Variants in TRPC5 observed in about 807,000 individuals in gnomAD.
TRPC5 encodes the protein transient receptor potential cation channel subfamily C member 5, also known as short transient receptor potential channel 5.
TRPC5 carries 9 observed loss-of-function variants against 56.5 expected under a neutral mutation model. The ratio of observed to expected loss-of-function variants is 0.16; its 90% confidence interval spans 0.10 to 0.28. The LOEUF (loss-of-function observed/expected upper bound fraction) is 0.28. TRPC5 is among the 10% of genes least tolerant of loss of function. TRPC5 has a pLI of 1.00. For synonymous variants in TRPC5, 282 were observed against 278.5 expected, an observed-to-expected ratio of 1.01 and a Z score of -0.13; for missense variants, 469 against 748.9, an observed-to-expected ratio of 0.63 and a Z score of 4.36.
intron 1 of TRPC5, among the ~76,000 whole-genome samples, chrX:112,047,527 G>A (rs1315966809): frequency 4.5e-5 from 5 of 111,900 alleles, no homozygotes; most frequent in Non-Finnish European, 9.4e-5. Flanking sequence ...ATATGACCTC[G>A]TCACAGCAGT....
chrX:111,919,821 A>C (rs1370219821), intron 2 of TRPC5, among the ~76,000 whole-genome samples: 1 of 112,185 alleles, frequency 8.9e-6, no homozygotes, highest in Non-Finnish European at 1.9e-5. Flanking sequence ...TCACCCAAAA[A>C]AATCTCATAA....
chrX:112,006,494 G>C (rs112152075), intron 1 of TRPC5, among the ~76,000 whole-genome samples: 2,127 of 111,307 alleles, frequency 0.019, 58 homozygotes, highest in African/African-American at 0.065. Context: ...AGGAAACTGA[G>C]GTTCAGAGAG....
intron 2 of TRPC5, among the ~76,000 whole-genome samples, chrX:111,916,303 C>G (rs988723605): frequency 2.7e-5 from 3 of 111,887 alleles, no homozygotes; most frequent in African/African-American, 9.8e-5. Context: ...CTGCAGGGAA[C>G]TACTACGAGG....
At chrX:111,781,242 A>C in intron 8 of TRPC5, 36 bp from the exon 9 acceptor site, 1 of 1,152,367 alleles carries the variant, frequency 8.7e-7, no homozygotes, top group South Asian at 1.8e-5. Context: ...TTACATCAGC[A>C]GTCTCCCAGC....
chrX:112,043,311 G>A lies in TRPC5; in HGVS notation c.-22+38568C>T, dbSNP rs1929943229. Among the ~76,000 whole-genome samples, 5 of 111,682 alleles carry A rather than the reference G, an allele frequency of 4.5e-5. No individual in the cohort carries two copies. In the Admixed American group the frequency reaches 4.8e-4, roughly 11 times the overall value. The stretch of plus-strand genomic sequence containing the variant: ...CGTATAAAAAGTACTTAAATGTGCG[G>A]GTTCTTTGATTTGCTGTGTTGGTGT... On this transcript the variant is annotated intron_variant, in intron 1 of 10. Transcript: ENST00000262839.
intron 3 of TRPC5, among the ~76,000 whole-genome samples, chrX:111,871,772 T>G (rs1603066443): frequency 8.9e-6 from 1 of 111,879 alleles, no homozygotes. Context: ...CTATGTGCTA[T>G]GGTTTGGGCA....
chrX:112,041,927 T>C (rs757155896), intron 1 of TRPC5, among the ~76,000 whole-genome samples: 1 of 111,892 alleles, frequency 8.9e-6, no homozygotes, highest in African/African-American at 3.3e-5. Flanking sequence ...CGACTCTCTC[T>C]TATTCTCAAT....
intron 1 of TRPC5, among the ~76,000 whole-genome samples, chrX:112,032,569 G>A (rs1211428202): frequency 8.9e-6 from 1 of 111,930 alleles, no homozygotes; most frequent in African/African-American, 3.2e-5. Context: ...ATTATAAATA[G>A]GGCTGCTAGG....
intron 2 of TRPC5, among the ~76,000 whole-genome samples, chrX:111,942,876 G>C (rs1926817779): frequency 8.9e-6 from 1 of 111,773 alleles, no homozygotes; most frequent in Admixed American, 9.5e-5. Context: ...CAAGGTAAAT[G>C]ACCTTCCCAA....
In TRPC5 at chrX:112,052,451, C is replaced by T. The variant is rs189249683; in HGVS notation, c.-22+29428G>A. 3.4e-3 allele frequency among the ~76,000 whole-genome samples: 373 copies of T among 110,856 alleles called. 1 individual carries two copies. The highest frequency in any genetic ancestry group is 0.012 in the African/African-American group (365 of 30,443). ...AGAAATATATATTTGAGTCCTTTGT[C>T]CATTTTTTAAAATTGATTTTTTTGG... On this transcript the variant is annotated intron_variant, in intron 1 of 10. Transcript: ENST00000262839.
Position 111,772,705 on chromosome X carries a change from T to G in TRPC5, c.*3608A>C, listed in dbSNP as rs1945850241. ...TTTTGGCCTCCCAAAGTGCTGGGAT[T>G]ACAGGAGTGGGCCACCATGCCCAGC... is the stretch of plus-strand genomic sequence containing the variant. On this transcript the variant is annotated 3_prime_UTR_variant, in exon 11 of 11. Transcript: ENST00000262839. 8.9e-6 allele frequency among the ~76,000 whole-genome samples: 1 copy of G among 111,876 alleles called. No homozygotes were observed. Among genetic ancestry groups the G allele is most frequent in the Non-Finnish European group, 1.9e-5 (1 of 53,221 alleles).
At chrX:111,932,870 A>G (rs1349127067) in intron 2 of TRPC5, among the ~76,000 whole-genome samples, 1 of 111,816 alleles carries the variant, frequency 8.9e-6, no homozygotes, top group Non-Finnish European at 1.9e-5. Context: ...TGAGGGTAAC[A>G]TGAGTCACAA....
At chrX:111,985,758 G>T (rs751056565) in intron 1 of TRPC5, among the ~76,000 whole-genome samples, 2 of 112,022 alleles carry the variant, frequency 1.8e-5, no homozygotes, top group South Asian at 7.5e-4. Flanking sequence ...TAGGGACTCC[G>T]TGATTAAGTA....
intron 7 of TRPC5, among the ~76,000 whole-genome samples, chrX:111,802,647 A>G (rs1921351679): frequency 9.0e-6 from 1 of 111,096 alleles, no homozygotes; most frequent in South Asian, 3.8e-4. Context: ...TTGTAGTGGT[A>G]TTACAAGAGT....
intron 7 of TRPC5, among the ~76,000 whole-genome samples, chrX:111,799,274 A>C (rs1921224974): frequency 9.0e-6 from 1 of 111,506 alleles, no homozygotes; most frequent in African/African-American, 3.3e-5. Flanking sequence ...TTGTACTAGA[A>C]GGCCTGGACA....
At chrX:111,977,573 G>A (rs762207709) in intron 1 of TRPC5, among the ~76,000 whole-genome samples, 18 of 111,648 alleles carry the variant, frequency 1.6e-4, no homozygotes, top group Non-Finnish European at 2.8e-4. Context: ...TTTTTAGGAT[G>A]TAACTCCGAA....
chrX:112,053,706 G>C (rs1394034034), intron 1 of TRPC5, among the ~76,000 whole-genome samples: 2 of 110,988 alleles, frequency 1.8e-5, no homozygotes, highest in Non-Finnish European at 3.8e-5. Context: ...ATGTGTGTTT[G>C]TGTGTGTGTA....
chrX:111,833,398 A>G (rs139720025), intron 7 of TRPC5, among the ~76,000 whole-genome samples: 1 of 111,356 alleles, frequency 9.0e-6, no homozygotes, highest in African/African-American at 3.3e-5. Flanking sequence ...CCACAGAACC[A>G]TGATTAGAGT....
At chrX:111,973,179 T>C (rs191982115) in intron 1 of TRPC5, among the ~76,000 whole-genome samples, 4 of 111,885 alleles carry the variant, frequency 3.6e-5, no homozygotes, top group African/African-American at 1.3e-4. Context: ...CACTTTTAAA[T>C]TGGAGTATTG....
Sources: gnomAD v4.1 joint callset for allele counts (sites outside exome capture counted in the v4.1 genomes callset) on GRCh38, gnomAD v4.1.1 for gene constraint, MANE v1.5 for transcripts, NCBI Gene and HGNC (gene_info 2026-07-23, HGNC 2026-07-21) for gene names.